Variants in NID1 observed in about 807,000 individuals in gnomAD.
NID1 encodes nidogen 1.
Under a neutral mutation model 130.6 loss-of-function variants are expected in NID1, and 76 were observed. That is an observed-to-expected ratio of 0.58 (90% CI 0.48 to 0.70). The LOEUF is 0.70. NID1 is among the 30% of genes least tolerant of loss of function. NID1 has a pLI of 0.00. For synonymous variants in NID1, 665 were observed against 675.1 expected, an observed-to-expected ratio of 0.98 and a Z score of 0.23; for missense variants, 1,517 against 1,664.8, an observed-to-expected ratio of 0.91 and a Z score of 1.54.
chr1:235,995,722 C>T (rs1272607779), intron 12 of NID1, among the ~76,000 whole-genome samples: 1 of 152,226 alleles, frequency 6.6e-6, no homozygotes, highest in African/African-American at 2.4e-5. Flanking sequence ...GAAGTCTGTT[C>T]AGCTCCCCAG....
chr1:236,051,350 C>T (rs116185495), intron 1 of NID1, among the ~76,000 whole-genome samples: 3,849 of 146,134 alleles, frequency 0.026, 73 homozygotes, highest in South Asian at 0.043. Context: ...AGTGCAGGGG[C>T]AGAAAAAAAG....
At chr1:236,063,153 CAAAAAAAAAAA>C (rs57769010) in intron 1 of NID1, among the ~76,000 whole-genome samples, 9 of 79,708 alleles carry the variant, frequency 1.1e-4, no homozygotes, top group Admixed American at 9.4e-4. Flanking sequence ...GACTTCATCT[CAAAAAAAAAAA>C]AAAAAAAAAA....
chr1:236,007,883 T>C (rs532067563), intron 12 of NID1, among the ~76,000 whole-genome samples: 1 of 152,176 alleles, frequency 6.6e-6, no homozygotes, highest in South Asian at 2.1e-4. Flanking sequence ...TGGCTAACTT[T>C]GGGGATGATT....
chr1:236,029,718 A>T lies in NID1; in HGVS notation c.1570T>A (p.Phe524Ile), dbSNP rs1328907677. The change falls in exon 7 of 20, where the codon TTC (phenylalanine) becomes ATC (isoleucine). Residue 524 changes from phenylalanine (F) to isoleucine (I), a missense_variant. Physicochemically the swap from Phe to Ile is conservative, Grantham distance 21 (BLOSUM62 0). This residue lies in a region of NID1 where 1,329 missense variants were observed against 1,429.2 expected (regional missense o/e 0.93). Coordinates refer to ENST00000264187, the MANE Select transcript of NID1 (RefSeq NM_002508.3). ...GEFTRQAEVT[F>I]VGHPGNLVIK... ...ACCAGATTGCCCGGGTGCCCCACGA[A>T]GGTCACCTCAGCCTGGCGAGTGAAC... 1 of 1,614,130 alleles carries T rather than the reference A, an allele frequency of 6.2e-7. No homozygotes were observed. The highest frequency in any genetic ancestry group is 8.5e-7 in the Non-Finnish European group (1 of 1,180,018).
chr1:236,004,761 CAAA>C (rs61480988), intron 12 of NID1, among the ~76,000 whole-genome samples: 6 of 67,440 alleles, frequency 8.9e-5, no homozygotes, highest in Non-Finnish European at 1.4e-4. Flanking sequence ...GACTCTGTCT[CAAA>C]AAAAAAAAAA....
intron 12 of NID1, among the ~76,000 whole-genome samples, chr1:236,003,796 G>A (rs1266166471): frequency 6.6e-6 from 1 of 152,178 alleles, no homozygotes; most frequent in Non-Finnish European, 1.5e-5. Context: ...CTTGAACCCG[G>A]GAGGTGGAGG....
Position 236,054,814 on chromosome 1 carries a change from A to G in NID1, c.226-5825T>C, listed in dbSNP as rs115293157. Among the ~76,000 whole-genome samples, 1,445 of 151,134 alleles carry G rather than the reference A, an allele frequency of 9.6e-3. 13 individuals carry two copies. The highest frequency in any genetic ancestry group is 0.033 in the African/African-American group (1,379 of 41,254). ...GTGCCACCACATCTGGCTAATTTGT[A>G]TATTTTTAGTGGACACAGGGTTTCA... is the stretch of plus-strand genomic sequence containing the variant. On this transcript the variant is annotated intron_variant, in intron 1 of 19. Coordinates refer to ENST00000264187, the MANE Select transcript of NID1 (RefSeq NM_002508.3).
In NID1 at chr1:235,977,778, G is replaced by T; in HGVS notation, c.*89C>A. 1 of 1,496,208 alleles carries T rather than the reference G, an allele frequency of 6.7e-7. No homozygotes were observed. The allele number at this position is 1,496,208 out of a possible 1,614,324, so 92.7% of individuals were successfully genotyped here. The stretch of plus-strand genomic sequence containing the variant: ...TGGGTCTGGGCCTAGTGGCCACTCA[G>T]CCAGAGGACACTTTTCAATCTGGAC... On this transcript the variant is annotated 3_prime_UTR_variant, in exon 20 of 20. Coordinates refer to ENST00000264187, the MANE Select transcript of NID1 (RefSeq NM_002508.3).
At chr1:236,053,052 C>T (rs189831440) in intron 1 of NID1, among the ~76,000 whole-genome samples, 7 of 152,334 alleles carry the variant, frequency 4.6e-5, no homozygotes, top group East Asian at 1.9e-4. Flanking sequence ...TTTTGAACTT[C>T]GTGGGTCAGA....
At chr1:235,992,731 T>C (rs879489397) in intron 13 of NID1, among the ~76,000 whole-genome samples, 7 of 152,236 alleles carry the variant, frequency 4.6e-5, no homozygotes, top group Admixed American at 3.3e-4. Context: ...CCTCAGTGAA[T>C]GTTGGCTGTG....
chr1:236,045,030 C>T (rs928385100), intron 3 of NID1, among the ~76,000 whole-genome samples: 1 of 151,958 alleles, frequency 6.6e-6, no homozygotes, highest in Non-Finnish European at 1.5e-5. Flanking sequence ...GAAACCCCGT[C>T]TCTACTAAAA....
intron 16 of NID1, 131 bp downstream of exon 16, chr1:235,981,480 C>T: frequency 1.0e-6 from 1 of 964,404 alleles, no homozygotes; most frequent in Non-Finnish European, 1.5e-6. Context: ...GTCACCAAAA[C>T]TGTAGACTCT....
intron 1 of NID1, among the ~76,000 whole-genome samples, chr1:236,055,087 G>A (rs933561955): frequency 2.0e-5 from 3 of 152,048 alleles, no homozygotes; most frequent in African/African-American, 4.8e-5. Flanking sequence ...GGTGGATCAC[G>A]AGGTCAGGAG....
At chr1:236,022,454 T>C (rs76661985) in intron 9 of NID1, among the ~76,000 whole-genome samples, 3,411 of 150,012 alleles carry the variant, frequency 0.023, 116 homozygotes, top group African/African-American at 0.077. Flanking sequence ...TTCTCCTGTC[T>C]CTCCTACTCC....
chr1:236,029,884 C>A (rs946810473), intron 6 of NID1, 134 bp from the exon 7 acceptor site: 8 of 756,464 alleles, frequency 1.1e-5, no homozygotes, highest in Non-Finnish European at 1.5e-5. Flanking sequence ...GAACATAGAA[C>A]TGGTGACACT....
chr1:236,048,907 G>A lies in NID1; in HGVS notation c.308C>T (p.Ala103Val). The A allele has an allele frequency of 6.2e-7, 1 of 1,614,054 alleles. No individual in the cohort carries two copies. The change falls in exon 2 of 20, where the codon GCA becomes GTA. Residue 103 changes from alanine (A) to valine (V), a missense_variant. Coordinates refer to ENST00000264187, the MANE Select transcript of NID1 (RefSeq NM_002508.3). ...HPGLFPPTFGAVAPFLADLDT... is the reference protein window; with the variant it reads ...HPGLFPPTFGVVAPFLADLDT... ...CAAGTCCGCCAGGAAAGGGGCGACT[G>A]CACCGAATGTTGGTGGGAAGAGCCC...
intron 15 of NID1, among the ~76,000 whole-genome samples, chr1:235,984,264 A>G (rs1416372057): frequency 6.6e-6 from 1 of 152,204 alleles, no homozygotes; most frequent in Non-Finnish European, 1.5e-5. Flanking sequence ...TCACTAAACC[A>G]AAGCATGAAA....
At chr1:235,978,918 C>G in intron 19 of NID1, 77 bp downstream of exon 19, 2 of 961,926 alleles carry the variant, frequency 2.1e-6, no homozygotes, top group Admixed American at 1.8e-5. Context: ...AGTGGCCATA[C>G]GGGTAGCAGC....
chr1:236,042,076 A>G lies in NID1; in HGVS notation c.969T>C (p.Ala323=). The G allele has an allele frequency of 6.2e-7, 1 of 1,614,160 alleles. No individual in the cohort carries two copies. Among genetic ancestry groups the G allele is most frequent in the East Asian group, 2.2e-5 (1 of 44,870 alleles). ...GGACGCTGGGCACACTGTATGTGTC[A>G]GCACCTCCCCTTCTCAGAGCCTTGT... ...FSYKALRRGG[A]DTYSVPSVLS... is the part of the protein sequence containing the mutation. Residue 323 remains alanine (A), a synonymous_variant, in exon 4 of 20, where the codon GCT becomes GCC. Transcript: ENST00000264187.
Sources: gnomAD v4.1 joint callset for allele counts (sites outside exome capture counted in the v4.1 genomes callset) on GRCh38, gnomAD v4.1.1 for gene constraint, gnomAD v4.1.1 regional missense constraint, MANE v1.5 for transcripts, NCBI Gene and HGNC (gene_info 2026-07-23, HGNC 2026-07-21) for gene names.